The following HIVEP3 variants were observed in gnomAD, a reference collection of about 807,000 sequenced individuals.
HIVEP3 encodes HIVEP zinc finger 3.
A neutral mutation model predicts 152.8 loss-of-function variants in HIVEP3; 49 were observed. The observed-to-expected ratio is 0.32, with a 90% CI of 0.26 to 0.41. HIVEP3 has a LOEUF of 0.41. HIVEP3 is among the 10% of genes least tolerant of loss of function. The probability of loss-of-function intolerance (pLI) is 1.00; values close to 1 mark genes in which losing one functional copy is unlikely to be tolerated. For synonymous variants in HIVEP3, 1,269 were observed against 1,289.0 expected (o/e 0.98, Z 0.33); for missense variants, 2,790 against 3,103.3 (o/e 0.90, Z 2.40).
intron 1 of HIVEP3, among the ~76,000 whole-genome samples, chr1:41,864,201 T>A (rs934668692): frequency 6.6e-6 from 1 of 152,182 alleles, no homozygotes; most frequent in Non-Finnish European, 1.5e-5. Flanking sequence ...CCTTTGGGTT[T>A]ATAGCACCCT....
upstream of HIVEP3, among the ~76,000 whole-genome samples, chr1:41,919,287 ACT>A (rs1644919994): frequency 6.6e-6 from 1 of 151,984 alleles, no homozygotes. Context: ...GAGACAGGGC[ACT>A]CTTGTCAGCA....
chr1:41,634,380 A>G (rs1645239805), intron 2 of HIVEP3, among the ~76,000 whole-genome samples: 1 of 152,198 alleles, frequency 6.6e-6, no homozygotes, highest in South Asian at 2.1e-4. Flanking sequence ...CAAGATGCAA[A>G]CCTTTTAAAC....
intron 5 of HIVEP3, among the ~76,000 whole-genome samples, chr1:41,528,287 C>T (rs1231461067): frequency 7.4e-6 from 1 of 134,700 alleles, no homozygotes; most frequent in African/African-American, 2.8e-5. Context: ...CACATACACC[C>T]CCACACTCAC....
At chr1:41,924,753 T>G (rs1280695496) in intron 1 of HIVEP3, among the ~76,000 whole-genome samples, 1 of 152,218 alleles carries the variant, frequency 6.6e-6, no homozygotes, top group Admixed American at 6.5e-5. Context: ...AATGTCCTTA[T>G]GCAGCTGTAG....
intron 2 of HIVEP3, among the ~76,000 whole-genome samples, chr1:41,643,112 T>C (rs146479957): frequency 0.011 from 1,637 of 152,276 alleles, 34 homozygotes; most frequent in African/African-American, 0.038. Context: ...GGTCTCCCCA[T>C]GTGACTCCCA....
chr1:41,568,496 A>G (rs1349526176), intron 5 of HIVEP3, among the ~76,000 whole-genome samples: 3 of 152,262 alleles, frequency 2.0e-5, no homozygotes, highest in South Asian at 4.1e-4. Context: ...GACACGGCGT[A>G]GGAGCGGCAG....
At chr1:41,782,469 T>C (rs1245558003) in intron 1 of HIVEP3, among the ~76,000 whole-genome samples, 1 of 152,122 alleles carries the variant, frequency 6.6e-6, no homozygotes, top group Non-Finnish European at 1.5e-5. Flanking sequence ...CATGGTGGCT[T>C]ACACCTGTAA....
At chr1:41,727,626 G>A (rs898349949) in intron 1 of HIVEP3, among the ~76,000 whole-genome samples, 4 of 152,242 alleles carry the variant, frequency 2.6e-5, no homozygotes, top group East Asian at 1.9e-4. Flanking sequence ...CCCGCAGACC[G>A]GTGTTTCCTC....
chr1:41,946,093 C>T (rs12406370), intron 1 of HIVEP3, among the ~76,000 whole-genome samples: 29,068 of 152,042 alleles, frequency 0.19, 2,888 homozygotes, highest in South Asian at 0.29. Context: ...GCTCTGGAAA[C>T]GGGAAAAGCT....
intron 1 of HIVEP3, among the ~76,000 whole-genome samples, chr1:41,722,723 A>G (rs1646696328): frequency 6.6e-6 from 1 of 152,142 alleles, no homozygotes; most frequent in Admixed American, 6.5e-5. Flanking sequence ...GGTGAAATGC[A>G]TTCTGACATG....
intron 1 of HIVEP3, among the ~76,000 whole-genome samples, chr1:41,828,249 G>A (rs562375783): frequency 6.6e-5 from 10 of 152,270 alleles, no homozygotes; most frequent in Non-Finnish European, 1.5e-4. Context: ...TGGACAGCAG[G>A]ACTCCCCGCT....
intron 1 of HIVEP3, among the ~76,000 whole-genome samples, chr1:41,739,132 G>A (rs1255445974): frequency 1.3e-5 from 2 of 152,246 alleles, no homozygotes; most frequent in African/African-American, 4.8e-5. Context: ...CGCAAAGTGT[G>A]GCAAAGCCCA....
chr1:41,690,891 C>T (rs1209560364), intron 2 of HIVEP3, among the ~76,000 whole-genome samples: 3 of 152,158 alleles, frequency 2.0e-5, no homozygotes, highest in Non-Finnish European at 4.4e-5. Context: ...GCACTCCAGC[C>T]TGGGTGACAA....
In HIVEP3 at chr1:41,585,198, T is replaced by G. The variant is rs913700592; in HGVS notation, c.-401A>C. On this transcript the variant is annotated 5_prime_UTR_variant, in exon 4 of 9. The change abolishes an upstream ATG in the 5' untranslated region. Transcript: ENST00000372583. Reference sequence around the variant, plus strand: ...TGAAGGTTGGAGACATCTGTGTCCATGGCCCAGTCATCCCTGGTCCTGGCA... The same window carrying G: ...TGAAGGTTGGAGACATCTGTGTCCAGGGCCCAGTCATCCCTGGTCCTGGCA... 2.5e-6 allele frequency: 1 copy of G among 399,106 alleles called. No individual in the cohort carries two copies. The highest frequency in any genetic ancestry group is 4.4e-6 in the Non-Finnish European group (1 of 226,254). The allele number at this position is 399,106 out of a possible 1,614,324, so 24.7% of individuals were successfully genotyped here.
chr1:41,964,451 G>T (rs1645186886), intron 1 of HIVEP3, among the ~76,000 whole-genome samples: 1 of 152,208 alleles, frequency 6.6e-6, no homozygotes, highest in South Asian at 2.1e-4. Flanking sequence ...CCAGGGTCTT[G>T]GGTCCCACAC....
At chr1:41,923,520 C>T (rs1644951903), upstream of HIVEP3, among the ~76,000 whole-genome samples, 1 of 151,972 alleles carries the variant, frequency 6.6e-6, no homozygotes, top group Admixed American at 6.6e-5. Flanking sequence ...GCAACATTGG[C>T]CAATGGGAAC....
At chr1:41,909,918 C>G (rs980837000) in intron 1 of HIVEP3, among the ~76,000 whole-genome samples, 9 of 151,886 alleles carry the variant, frequency 5.9e-5, no homozygotes, top group African/African-American at 1.9e-4. Context: ...AAATTATATA[C>G]AAATATTACA....
intron 1 of HIVEP3, chr1:41,864,483 C>T (rs1426625734): frequency 6.6e-6 from 1 of 152,352 alleles, no homozygotes; most frequent in African/African-American, 2.4e-5. Context: ...CCTACTTACT[C>T]CATAAATAGT....
chr1:41,653,527 G>T (rs1038490602), intron 2 of HIVEP3, among the ~76,000 whole-genome samples: 1 of 152,132 alleles, frequency 6.6e-6, no homozygotes, highest in Non-Finnish European at 1.5e-5. Context: ...CATGGGAAAA[G>T]CTGGACTTCT....
Sources: allele counts gnomAD v4.1 joint callset (sites outside exome capture counted in the v4.1 genomes callset), GRCh38; gene constraint gnomAD v4.1.1; transcripts MANE v1.5; gene names NCBI Gene and HGNC (gene_info 2026-07-23, HGNC 2026-07-21).